Variants in FANCL observed in about 807,000 individuals in gnomAD.
FANCL encodes the protein FA complementation group L.
Under a neutral mutation model 59.4 loss-of-function variants are expected in FANCL, and 69 were observed. The ratio of observed to expected loss-of-function variants is 1.16; its 90% CI spans 0.96 to 1.42. FANCL has a LOEUF of 1.42. FANCL is among the 40% of genes most tolerant of loss of function. The pLI, the probability that FANCL is intolerant of heterozygous loss-of-function variation, is 0.00. For missense variants in FANCL, 519 were observed against 447.2 expected, an observed-to-expected ratio of 1.16 and a Z score of -1.45; for synonymous variants, 180 against 147.1, an observed-to-expected ratio of 1.22 and a Z score of -1.62.
At chr2:58,196,685 G>A (rs1269748286) in intron 7 of FANCL, among the ~76,000 whole-genome samples, 2 of 151,876 alleles carry the variant, frequency 1.3e-5, no homozygotes, top group African/African-American at 4.8e-5. Context: ...ACAAAATAAA[G>A]TACTAAACAA....
At chr2:58,222,155 G>A (rs911148604) in intron 4 of FANCL, 113 bp from the exon 5 acceptor site, 12 of 722,634 alleles carry the variant, frequency 1.7e-5, no homozygotes, top group African/African-American at 8.8e-5. Context: ...AAAAGTGCCT[G>A]TTTTTTTACG....
chr2:58,237,940 G>GT (rs1404199061), intron 1 of FANCL, among the ~76,000 whole-genome samples: 1 of 152,206 alleles, frequency 6.6e-6, no homozygotes, highest in East Asian at 1.9e-4. Context: ...GCTGCCATGT[G>GT]TGATAACAGT....
chr2:58,186,824 G>A (rs956576843), intron 7 of FANCL, among the ~76,000 whole-genome samples: 1 of 152,196 alleles, frequency 6.6e-6, no homozygotes, highest in African/African-American at 2.4e-5. Flanking sequence ...CTGAAGCAAT[G>A]TGGTTGAGTA....
rs1477476830 is a variant in FANCL, at chr2:58,207,763, G to C, written c.375-3537C>G. 2.0e-5 allele frequency among the ~76,000 whole-genome samples: 3 copies of C among 152,246 alleles called. No individual in the cohort carries two copies. In the East Asian group the frequency reaches 5.8e-4, roughly 29 times the overall value. On this transcript the variant is annotated intron_variant, in intron 5 of 13. Coordinates refer to ENST00000233741, the MANE Select transcript of FANCL (RefSeq NM_018062.4). The stretch of plus-strand genomic sequence containing the variant: ...AGTGGTATCAAATCAGTTTGTCTAA[G>C]GAAGTCTGTTTCATGTCGGGCATAA...
At chr2:58,186,773 G>T (rs891666801) in intron 7 of FANCL, among the ~76,000 whole-genome samples, 4 of 152,156 alleles carry the variant, frequency 2.6e-5, no homozygotes, top group African/African-American at 9.7e-5. Flanking sequence ...TGGCGGAACC[G>T]CAGTGAATTG....
intron 1 of FANCL, among the ~76,000 whole-genome samples, chr2:58,234,043 T>C (rs1693807320): frequency 6.6e-6 from 1 of 152,034 alleles, no homozygotes; most frequent in Non-Finnish European, 1.5e-5. Context: ...GAAGAGGGTA[T>C]TCTTAAACTA....
intron 6 of FANCL, among the ~76,000 whole-genome samples, chr2:58,199,167 G>A (rs1689747286): frequency 6.6e-6 from 1 of 152,150 alleles, no homozygotes; most frequent in South Asian, 2.1e-4. Flanking sequence ...CTATGGAGGT[G>A]CAAGTTTGGT....
In FANCL at chr2:58,238,974, A is replaced by C. The variant is rs72948895; in HGVS notation, c.96+2244T>G. Reference sequence around the variant, plus strand: ...GAGGATCAAAATAAATAATGATTATAATCAAGTAATTTTTTTAAAAGTCCA... The same window carrying C: ...GAGGATCAAAATAAATAATGATTATCATCAAGTAATTTTTTTAAAAGTCCA... On this transcript the variant is annotated intron_variant, in intron 1 of 13. Coordinates refer to ENST00000233741, the MANE Select transcript of FANCL (RefSeq NM_018062.4). 5.2e-3 allele frequency among the ~76,000 whole-genome samples: 792 copies of C among 152,262 alleles called. 8 individuals carry two copies. Among genetic ancestry groups the C allele is most frequent in the African/African-American group, 0.017 (725 of 41,528 alleles).
At chr2:58,212,397 C>A (rs1281611194) in intron 5 of FANCL, among the ~76,000 whole-genome samples, 1 of 152,108 alleles carries the variant, frequency 6.6e-6, no homozygotes, top group Non-Finnish European at 1.5e-5. Context: ...GAGTACAACT[C>A]AAGATGAGAT....
At chr2:58,229,714 C>G (rs1693388262) in intron 3 of FANCL, 100 bp downstream of exon 3, 1 of 879,198 alleles carries the variant, frequency 1.1e-6, no homozygotes, top group Non-Finnish European at 1.9e-6. Context: ...ACTATTAAAC[C>G]AGTTTGTTAC....
chr2:58,232,720 C>T (rs1693695093), intron 1 of FANCL, among the ~76,000 whole-genome samples: 1 of 151,938 alleles, frequency 6.6e-6, no homozygotes, highest in Non-Finnish European at 1.5e-5. Flanking sequence ...CAGAATTTTA[C>T]TCAAGAGTCT....
At position 58,187,062 on chromosome 2, in the gene FANCL, T is replaced by C. The variant is rs569739372; in HGVS notation, c.540+11532A>G. Among the ~76,000 whole-genome samples the C allele has an allele frequency of 3.9e-5, 6 of 152,260 alleles. No individual in the cohort carries two copies. In the South Asian group the frequency reaches 6.2e-4, roughly 16 times the overall value. Reference sequence around the variant, plus strand: ...CCATTTGACCCAGCAATCCCATGACTGGGTATATACCCAAAGGATTATAAA... The same window carrying C: ...CCATTTGACCCAGCAATCCCATGACCGGGTATATACCCAAAGGATTATAAA... On this transcript the variant is annotated intron_variant, in intron 7 of 13. Transcript: ENST00000233741.
chr2:58,199,634 A>G (rs972496921), intron 6 of FANCL, among the ~76,000 whole-genome samples: 4 of 152,178 alleles, frequency 2.6e-5, no homozygotes, highest in African/African-American at 9.6e-5. Context: ...CAAGTTTTTA[A>G]GTTAACAAAG....
intron 7 of FANCL, among the ~76,000 whole-genome samples, chr2:58,174,744 C>G (rs1022278791): frequency 2.2e-4 from 33 of 152,112 alleles, no homozygotes; most frequent in Non-Finnish European, 2.9e-5. Flanking sequence ...AAAGCAAGAG[C>G]AAACACATTC....
At chr2:58,161,944 C>A (rs912778294) in intron 11 of FANCL, among the ~76,000 whole-genome samples, 8 of 151,814 alleles carry the variant, frequency 5.3e-5, no homozygotes, top group African/African-American at 1.9e-4. Context: ...AATATAATTA[C>A]ATTACTATTT....
At chr2:58,171,980 C>T (rs1006876649) in intron 7 of FANCL, among the ~76,000 whole-genome samples, 2 of 152,230 alleles carry the variant, frequency 1.3e-5, no homozygotes, top group Non-Finnish European at 1.5e-5. Flanking sequence ...CCTACGCCCA[C>T]GGAGCCTCCT....
At chr2:58,161,484 T>C in intron 12 of FANCL, 38 bp downstream of exon 12, 1 of 1,225,936 alleles carries the variant, frequency 8.2e-7, no homozygotes, top group South Asian at 1.2e-5. Flanking sequence ...TATGTTGTGT[T>C]AGCGGAAAAA....
chr2:58,165,548 C>A (rs1320033614), intron 8 of FANCL, among the ~76,000 whole-genome samples, 176 bp downstream of exon 8: 2 of 152,142 alleles, frequency 1.3e-5, no homozygotes, highest in Non-Finnish European at 2.9e-5. Context: ...CAGTACTTCT[C>A]CTTTTCACCT....
intron 7 of FANCL, among the ~76,000 whole-genome samples, chr2:58,185,224 A>G (rs1688288045): frequency 6.6e-6 from 1 of 152,176 alleles, no homozygotes; most frequent in African/African-American, 2.4e-5. Flanking sequence ...TCATTTGAAA[A>G]GAGCAAGCAT....
Sources: allele counts gnomAD v4.1 joint callset (sites outside exome capture counted in the v4.1 genomes callset), GRCh38; gene constraint gnomAD v4.1.1; transcripts MANE v1.5; gene names NCBI Gene and HGNC (gene_info 2026-07-23, HGNC 2026-07-21).